The following BMPER variants were observed in gnomAD, a reference collection of about 807,000 sequenced individuals.
BMPER encodes BMP binding endothelial regulator, also known as BMP-binding endothelial regulator protein.
A neutral mutation model predicts 87.3 loss-of-function variants in BMPER; 45 were observed. That is an observed-to-expected ratio of 0.52 (90% confidence interval 0.41 to 0.66). BMPER has a LOEUF of 0.66. Among genes scored for constraint, BMPER ranks in the 30% least tolerant of loss-of-function variants. The pLI is 0.00. For missense variants in BMPER, 784 were observed against 867.5 expected, an observed-to-expected ratio of 0.90 and a Z score of 1.21; for synonymous variants, 326 against 316.2, an observed-to-expected ratio of 1.03 and a Z score of -0.33.
At chr7:33,943,806 A>C (rs1264734104) in intron 3 of BMPER, among the ~76,000 whole-genome samples, 4 of 152,218 alleles carry the variant, frequency 2.6e-5, no homozygotes, top group Non-Finnish European at 4.4e-5. Context: ...TCACACTGCA[A>C]CATTCACACT....
intron 4 of BMPER, among the ~76,000 whole-genome samples, chr7:33,969,898 G>T (rs1352160940): frequency 6.6e-6 from 1 of 152,074 alleles, no homozygotes; most frequent in Non-Finnish European, 1.5e-5. Flanking sequence ...GGATCTCCAG[G>T]TGCTAGTCTG....
At chr7:34,124,666 G>A (rs1265354360) in intron 13 of BMPER, among the ~76,000 whole-genome samples, 1 of 151,960 alleles carries the variant, frequency 6.6e-6, no homozygotes, top group African/African-American at 2.4e-5. Flanking sequence ...GTTTTCTTGT[G>A]TAATTTTAGA....
intron 8 of BMPER, among the ~76,000 whole-genome samples, chr7:34,052,750 G>C (rs1034951116): frequency 3.9e-5 from 6 of 151,980 alleles, no homozygotes; most frequent in African/African-American, 1.5e-4. Context: ...TCAGCTATGA[G>C]TCAATAGCTG....
intron 3 of BMPER, among the ~76,000 whole-genome samples, chr7:33,937,850 T>G (rs900829074): frequency 6.6e-6 from 1 of 152,150 alleles, no homozygotes; most frequent in African/African-American, 2.4e-5. Flanking sequence ...TCCTTCCAAA[T>G]TAGATCTAAG....
At chr7:34,128,652 G>T (rs1323933873) in intron 13 of BMPER, among the ~76,000 whole-genome samples, 2 of 152,190 alleles carry the variant, frequency 1.3e-5, no homozygotes. Flanking sequence ...TATATAATGT[G>T]TTTGAAGAGG....
At chr7:34,068,468 T>G (rs989038) in intron 11 of BMPER, among the ~76,000 whole-genome samples, 152,301 of 152,364 alleles carry the variant, frequency 1, 76,119 homozygotes, top group Non-Finnish European at 1. Context: ...CCACACCTGG[T>G]TGGAAATGGA....
chr7:34,080,225 A>G (rs1788977294), intron 12 of BMPER, among the ~76,000 whole-genome samples: 1 of 152,192 alleles, frequency 6.6e-6, no homozygotes, highest in Admixed American at 6.5e-5. Context: ...ATAATGAAAC[A>G]TTTGACAAAG....
chr7:33,963,689 G>A (rs1164176506), intron 3 of BMPER, among the ~76,000 whole-genome samples: 1 of 152,068 alleles, frequency 6.6e-6, no homozygotes, highest in Admixed American at 6.5e-5. Flanking sequence ...ACCTACTCAG[G>A]GGGCTGAGTA....
At chr7:34,101,858 G>A (rs914598798) in intron 13 of BMPER, among the ~76,000 whole-genome samples, 5 of 152,176 alleles carry the variant, frequency 3.3e-5, no homozygotes, top group East Asian at 1.9e-4. Flanking sequence ...TCAGGGCAGC[G>A]TACAACAGGA....
At chr7:33,935,459 A>G (rs184102230) in intron 2 of BMPER, among the ~76,000 whole-genome samples, 29 of 152,302 alleles carry the variant, frequency 1.9e-4, no homozygotes, top group Non-Finnish European at 1.0e-4. Context: ...GTCTTTGTTA[A>G]GAACTCCACA....
Position 34,079,201 on chromosome 7 carries a change from G to A in BMPER, c.1408+15G>A. ...CACCAAAGCAGGTGGGGCGTCTGTG[G>A]CCTCCCTCTTGCTCTAGCCTCCGCC... On this transcript the variant is annotated intron_variant, in intron 12 of 14. Coordinates refer to ENST00000649409, the MANE Select transcript of BMPER (RefSeq NM_001365308.1). The A allele has an allele frequency of 6.2e-7, 1 of 1,613,266 alleles. No homozygotes were observed. Among genetic ancestry groups the A allele is most frequent in the South Asian group, 1.1e-5 (1 of 91,082 alleles).
chr7:34,088,990 A>G (rs1045039661), intron 13 of BMPER, among the ~76,000 whole-genome samples: 1 of 152,150 alleles, frequency 6.6e-6, no homozygotes, highest in African/African-American at 2.4e-5. Context: ...TGAGAATGTC[A>G]TGTGTTCATT....
intron 3 of BMPER, chr7:33,937,663 C>T (rs745601473): frequency 1.9e-4 from 86 of 457,288 alleles, no homozygotes; most frequent in Non-Finnish European, 3.1e-4. Flanking sequence ...GTTAAAATGT[C>T]GTAGAGAAGA....
At chr7:34,097,184 GA>G (rs1252918299) in intron 13 of BMPER, among the ~76,000 whole-genome samples, 1 of 152,224 alleles carries the variant, frequency 6.6e-6, no homozygotes, top group African/African-American at 2.4e-5. Flanking sequence ...TGGACAAAAA[GA>G]GGAGCAGGAG....
At chr7:34,143,170 T>G (rs991878274) in intron 13 of BMPER, 60 bp from the exon 14 acceptor site, 1 of 1,603,446 alleles carries the variant, frequency 6.2e-7, no homozygotes, top group Non-Finnish European at 8.5e-7. Flanking sequence ...TGAAGTTATA[T>G]TTAGGGTGTT....
intron 2 of BMPER, among the ~76,000 whole-genome samples, chr7:33,927,223 C>T (rs190885523): frequency 1.2e-4 from 19 of 152,316 alleles, no homozygotes; most frequent in Non-Finnish European, 2.1e-4. Flanking sequence ...TGGGCTTTCA[C>T]GGGGCAATCT....
intron 3 of BMPER, among the ~76,000 whole-genome samples, chr7:33,961,216 G>A (rs1348225866): frequency 6.6e-6 from 1 of 152,184 alleles, no homozygotes; most frequent in Non-Finnish European, 1.5e-5. Context: ...AATAGAGGAT[G>A]AAGAGGTGAG....
At chr7:34,004,578 T>C (rs1786675483) in intron 6 of BMPER, among the ~76,000 whole-genome samples, 2 of 152,194 alleles carry the variant, frequency 1.3e-5, no homozygotes, top group South Asian at 4.1e-4. Flanking sequence ...TGTTTGTTTC[T>C]GTGGTTATCA....
intron 3 of BMPER, among the ~76,000 whole-genome samples, chr7:33,949,310 A>G (rs1784964191): frequency 6.6e-6 from 1 of 152,192 alleles, no homozygotes; most frequent in Non-Finnish European, 1.5e-5. Context: ...ACCCAAAAAT[A>G]TCTACAGTAA....
Sources: allele counts gnomAD v4.1 joint callset (sites outside exome capture counted in the v4.1 genomes callset), GRCh38; gene constraint gnomAD v4.1.1; transcripts MANE v1.5; gene names NCBI Gene and HGNC (gene_info 2026-07-23, HGNC 2026-07-21).